Variants in SCARA3 observed in about 807,000 individuals in gnomAD.
The protein encoded by SCARA3 is cellular stress response gene protein.
A neutral mutation model predicts 47.0 loss-of-function variants in SCARA3; 39 were observed. The observed-to-expected ratio is 0.83, with a 90% CI of 0.64 to 1.08. The LOEUF is 1.08. Among genes scored for constraint, SCARA3 ranks in the 50% least tolerant of loss-of-function variants. The pLI, the probability that SCARA3 is intolerant of heterozygous loss-of-function variation, is 0.00. For missense variants in SCARA3, 724 were observed against 792.3 expected (o/e 0.91, Z 1.04); for synonymous variants, 356 against 334.1 (o/e 1.07, Z -0.71).
chr8:27,692,136 A>T, the SCARA3 span, among the ~76,000 whole-genome samples: 6 of 152,156 alleles, frequency 3.9e-5, no homozygotes, highest in African/African-American at 1.4e-4. Context: ...CAGAGATCTT[A>T]AAACTGATAG....
chr8:27,717,784 C>CA, the SCARA3 span, among the ~76,000 whole-genome samples: 5 of 151,886 alleles, frequency 3.3e-5, no homozygotes, highest in Non-Finnish European at 5.9e-5. Flanking sequence ...GACTCCATCT[C>CA]AAAAAAAGAA....
At chr8:27,642,146 A>T (rs758972044) in intron 1 of SCARA3, among the ~76,000 whole-genome samples, 21 of 152,188 alleles carry the variant, frequency 1.4e-4, no homozygotes, top group Non-Finnish European at 2.1e-4. Context: ...CACTTACTTG[A>T]TCAAATAATC....
chr8:27,707,404 A>C, the SCARA3 span, among the ~76,000 whole-genome samples: 2 of 152,198 alleles, frequency 1.3e-5, no homozygotes, highest in Non-Finnish European at 2.9e-5. Flanking sequence ...AGAGAAATAT[A>C]AGGCCATAAA....
At chr8:27,730,074 C>G in the SCARA3 span, among the ~76,000 whole-genome samples, 1 of 152,152 alleles carries the variant, frequency 6.6e-6, no homozygotes, top group Non-Finnish European at 1.5e-5. Context: ...GTTCCCACCC[C>G]CTCGCACCTG....
intron 1 of SCARA3, among the ~76,000 whole-genome samples, chr8:27,640,341 A>AT (rs754294135): frequency 1.6e-3 from 246 of 152,234 alleles, no homozygotes; most frequent in Non-Finnish European, 2.9e-3. Flanking sequence ...GTTTGCACAG[A>AT]TTTTTTTCAT....
At chr8:27,684,909 A>AT in the SCARA3 span, among the ~76,000 whole-genome samples, 910 of 152,078 alleles carry the variant, frequency 6.0e-3, 20 homozygotes, top group African/African-American at 0.021. Context: ...TCTAAAAAAA[A>AT]TTTTAATTAA....
chr8:27,655,005 G>C (rs1216227708), intron 3 of SCARA3, among the ~76,000 whole-genome samples: 1 of 152,156 alleles, frequency 6.6e-6, no homozygotes, highest in Non-Finnish European at 1.5e-5. Flanking sequence ...ATTGTAAACT[G>C]TACAGTGCTT....
the SCARA3 span, among the ~76,000 whole-genome samples, chr8:27,704,831 A>T: frequency 1.3e-5 from 2 of 152,120 alleles, no homozygotes; most frequent in Non-Finnish European, 2.9e-5. Flanking sequence ...TTTGGAAATG[A>T]GTGTTCTACG....
chr8:27,653,720 T>C (rs1276513415), intron 3 of SCARA3, among the ~76,000 whole-genome samples: 1 of 151,958 alleles, frequency 6.6e-6, no homozygotes, highest in African/African-American at 2.4e-5. Context: ...CTATTCATTT[T>C]AATCAAGTTT....
chr8:27,707,148 T>C, the SCARA3 span, among the ~76,000 whole-genome samples: 1 of 152,172 alleles, frequency 6.6e-6, no homozygotes, highest in African/African-American at 2.4e-5. Flanking sequence ...AGCCCCTTCC[T>C]TTTGTCCTAC....
chr8:27,694,687 T>C, the SCARA3 span, among the ~76,000 whole-genome samples: 3 of 152,150 alleles, frequency 2.0e-5, no homozygotes, highest in African/African-American at 7.2e-5. Flanking sequence ...ACCTCCATGA[T>C]AATTTGGTAT....
At position 27,671,431 on chromosome 8, in the gene SCARA3, A is replaced by ACAGACAG; in HGVS notation, c.*82_*88dup. 7.5e-7 allele frequency: 1 copy of ACAGACAG among 1,336,314 alleles called. No homozygotes were observed. The highest frequency in any genetic ancestry group is 2.1e-5 in the South Asian group (1 of 46,570). 82.8% of individuals were successfully genotyped at this position (1,336,314 alleles called of 1,614,324 possible). ...ATCCAGGCCCCAGAAAGCCTCACCTACAGACAGCTGTGGTCCTCTGATTCC... is the reference window on the plus strand; with the variant it reads ...ATCCAGGCCCCAGAAAGCCTCACCTACAGACAGCAGACAGCTGTGGTCCTCTGATTCC... On this transcript the variant is annotated 3_prime_UTR_variant, in exon 6 of 6. Coordinates refer to ENST00000301904, the MANE Select transcript of SCARA3 (RefSeq NM_016240.3).
chr8:27,669,846 T>C (rs966872854), intron 5 of SCARA3, among the ~76,000 whole-genome samples: 4 of 152,206 alleles, frequency 2.6e-5, no homozygotes, highest in African/African-American at 9.6e-5. Context: ...AGGGCTCAGA[T>C]AGCATCAGCC....
chr8:27,635,574 A>G (rs927145810), intron 1 of SCARA3, among the ~76,000 whole-genome samples: 1 of 151,898 alleles, frequency 6.6e-6, no homozygotes, highest in Non-Finnish European at 1.5e-5. Context: ...TCAGCCTCTC[A>G]TGTAGCTGGT....
downstream of SCARA3, among the ~76,000 whole-genome samples, chr8:27,675,617 C>A (rs1802263439): frequency 6.6e-6 from 1 of 152,114 alleles, no homozygotes; most frequent in African/African-American, 2.4e-5. Flanking sequence ...TGGTGAAACC[C>A]CGTCTCTACT....
the SCARA3 span, among the ~76,000 whole-genome samples, chr8:27,688,717 G>C: frequency 2.0e-4 from 30 of 152,094 alleles, no homozygotes; most frequent in Admixed American, 2.0e-3. Flanking sequence ...AGTGAATATG[G>C]CTATAGGGGC....
the SCARA3 span, among the ~76,000 whole-genome samples, chr8:27,704,478 T>G: frequency 1.3e-5 from 2 of 152,150 alleles, no homozygotes; most frequent in African/African-American, 2.4e-5. Context: ...AAGAATAAAT[T>G]TAATTTTTTA....
At chr8:27,653,712 A>G (rs964933698) in intron 3 of SCARA3, among the ~76,000 whole-genome samples, 1 of 151,904 alleles carries the variant, frequency 6.6e-6, no homozygotes, top group African/African-American at 2.4e-5. Flanking sequence ...AACCAACTCT[A>G]TTCATTTTAA....
At chr8:27,723,847 G>A in the SCARA3 span, among the ~76,000 whole-genome samples, 3 of 152,110 alleles carry the variant, frequency 2.0e-5, no homozygotes, top group Non-Finnish European at 2.9e-5. Context: ...ACGAGTCTCC[G>A]ACCTCAGCCT....
Sources: gnomAD v4.1 joint callset for allele counts (sites outside exome capture counted in the v4.1 genomes callset) on GRCh38, gnomAD v4.1.1 for gene constraint, MANE v1.5 for transcripts, NCBI Gene and HGNC (gene_info 2026-07-23, HGNC 2026-07-21) for gene names.